Variants in CNST observed in about 807,000 individuals in gnomAD.
CNST encodes consortin.
CNST carries 39 observed loss-of-function variants against 72.4 expected under a neutral mutation model. The observed-to-expected ratio is 0.54, with a 90% confidence interval of 0.42 to 0.70. The LOEUF is 0.70. Among genes scored for constraint, CNST ranks in the 30% least tolerant of loss-of-function variants. The probability of loss-of-function intolerance (pLI) is 0.00; values close to 1 mark genes in which losing one functional copy is unlikely to be tolerated. For synonymous variants in CNST, 332 were observed against 320.1 expected, an observed-to-expected ratio of 1.04 and a Z score of -0.40; for missense variants, 871 against 868.5, an observed-to-expected ratio of 1.00 and a Z score of -0.04.
intron 9 of CNST, among the ~76,000 whole-genome samples, chr1:246,654,048 C>A (rs1666638444): frequency 6.6e-6 from 1 of 152,192 alleles, no homozygotes; most frequent in South Asian, 2.1e-4. Context: ...GTTTAAACTC[C>A]TGCTATGAAA....
At chr1:246,631,553 C>A (rs1192753683) in intron 3 of CNST, among the ~76,000 whole-genome samples, 1 of 151,956 alleles carries the variant, frequency 6.6e-6, no homozygotes, top group Non-Finnish European at 1.5e-5. Flanking sequence ...ATCATTTTTT[C>A]ATTTGTGTTC....
intron 10 of CNST, among the ~76,000 whole-genome samples, chr1:246,663,279 C>T (rs1164375711): frequency 6.6e-6 from 1 of 151,224 alleles, no homozygotes; most frequent in Non-Finnish European, 1.5e-5. Flanking sequence ...ATCGCTTGAG[C>T]CCAGGAGGTT....
chr1:246,622,098 G>A (rs562619778), intron 3 of CNST, among the ~76,000 whole-genome samples: 8 of 152,184 alleles, frequency 5.3e-5, no homozygotes, highest in Admixed American at 2.6e-4. Context: ...GGTGACCCTC[G>A]TGGGATATTT....
At chr1:246,572,420 C>A (rs1290275740) in intron 1 of CNST, among the ~76,000 whole-genome samples, 1 of 152,106 alleles carries the variant, frequency 6.6e-6, no homozygotes, top group African/African-American at 2.4e-5. Context: ...TCTTCTGCAG[C>A]TTTTATTCCC....
At chr1:246,650,209 A>G (rs1038420463) in intron 9 of CNST, among the ~76,000 whole-genome samples, 2 of 152,284 alleles carry the variant, frequency 1.3e-5, no homozygotes, top group East Asian at 1.9e-4. Context: ...TCAAAACACA[A>G]TGTCACTTCT....
At chr1:246,626,733 A>G (rs1664463625) in intron 3 of CNST, among the ~76,000 whole-genome samples, 1 of 152,110 alleles carries the variant, frequency 6.6e-6, no homozygotes, top group South Asian at 2.1e-4. Context: ...CTGGGATTAC[A>G]GGTGTGAGCC....
chr1:246,604,056 A>T (rs559536091), intron 2 of CNST, among the ~76,000 whole-genome samples: 2 of 152,094 alleles, frequency 1.3e-5, no homozygotes, highest in Non-Finnish European at 2.9e-5. Flanking sequence ...ACACGGTGAA[A>T]CCCCATCTCT....
chr1:246,594,348 G>A (rs1280795450), intron 2 of CNST, among the ~76,000 whole-genome samples: 1 of 152,144 alleles, frequency 6.6e-6, no homozygotes, highest in Non-Finnish European at 1.5e-5. Context: ...TTATAATACT[G>A]TGAGAAGATA....
In CNST at chr1:246,642,005, C is replaced by T; in HGVS notation, c.905C>T (p.Pro302Leu). ...CSTQLLVSEDPKEGGATTKES... is the reference protein window; with the variant it reads ...CSTQLLVSEDLKEGGATTKES... ...ACGCAGTTACTAGTGTCTGAAGATC[C>T]AAAGGAAGGAGGAGCTACCACCAAA... Residue 302 changes from proline to leucine, a missense_variant, in exon 8 of 11, where the codon CCA (proline) becomes CTA (leucine). Pro to Leu is a moderately conservative substitution (Grantham distance 98). Transcript: ENST00000366513. The T allele has an allele frequency of 2.5e-6, 4 of 1,611,614 alleles. No homozygotes were observed. The highest frequency in any genetic ancestry group is 3.4e-6 in the Non-Finnish European group (4 of 1,178,592).
chr1:246,635,870 C>T (rs1449152246), intron 6 of CNST, among the ~76,000 whole-genome samples: 2 of 152,164 alleles, frequency 1.3e-5, no homozygotes, highest in African/African-American at 4.8e-5. Flanking sequence ...CCTTTAAGGA[C>T]CGTTTTTCTC....
intron 3 of CNST, among the ~76,000 whole-genome samples, chr1:246,626,292 C>A (rs1035578393): frequency 6.6e-6 from 1 of 151,840 alleles, no homozygotes; most frequent in Non-Finnish European, 1.5e-5. Context: ...CTCAAGTGAT[C>A]TTCCCACCTT....
rs560736041 is a variant in CNST, at chr1:246,574,581, A to T, written c.-52+7918A>T. Among the ~76,000 whole-genome samples the T allele has an allele frequency of 4.5e-3, 656 of 147,294 alleles. 3 individuals are homozygous for T. The highest frequency in any genetic ancestry group is 0.016 in the African/African-American group (630 of 40,434). On this transcript the variant is annotated intron_variant, in intron 1 of 10. Transcript: ENST00000366513. ...GCTGGGACTGCAGGTATGCAGTCTAATTTTTTTTTTTTAACTTTTTGCAGA... is the reference window on the plus strand; with the variant it reads ...GCTGGGACTGCAGGTATGCAGTCTATTTTTTTTTTTTTAACTTTTTGCAGA...
intron 6 of CNST, among the ~76,000 whole-genome samples, chr1:246,636,182 G>T (rs1426693293): frequency 1.3e-5 from 2 of 152,134 alleles, no homozygotes; most frequent in Non-Finnish European, 2.9e-5. Flanking sequence ...GCTCCAGGGG[G>T]TAACCTTGGC....
chr1:246,622,928 A>G (rs1216956641), intron 3 of CNST, among the ~76,000 whole-genome samples: 1 of 152,108 alleles, frequency 6.6e-6, no homozygotes, highest in Non-Finnish European at 1.5e-5. Flanking sequence ...GATTCAAGCC[A>G]TTCTCCTGCC....
intron 1 of CNST, among the ~76,000 whole-genome samples, chr1:246,582,869 A>G (rs7416244): frequency 0.29 from 43,477 of 152,078 alleles, 6,387 homozygotes; most frequent in Middle Eastern, 0.33. Context: ...GTTATCTGCT[A>G]TATCAACATT....
At chr1:246,645,424 C>CTTTTTTTTTTTTTTTTTTTT (rs1553384186) in intron 8 of CNST, among the ~76,000 whole-genome samples, 1 of 106,104 alleles carries the variant, frequency 9.4e-6, no homozygotes, top group African/African-American at 3.3e-5. Context: ...AAGGTTAAAA[C>CTTTTTTTTTTTTTTTTTTTT]TTTTTTTTTT....
chr1:246,611,285 A>G (rs1489070893), intron 2 of CNST, among the ~76,000 whole-genome samples: 1 of 152,124 alleles, frequency 6.6e-6, no homozygotes, highest in Non-Finnish European at 1.5e-5. Flanking sequence ...TTGTTCAGGC[A>G]TACCTTTGTT....
intron 9 of CNST, among the ~76,000 whole-genome samples, chr1:246,650,182 A>G (rs1189701490): frequency 3.3e-5 from 5 of 152,180 alleles, no homozygotes; most frequent in Admixed American, 2.0e-4. Context: ...ATTAAATGGA[A>G]TATTCCCTCC....
At chr1:246,572,774 G>C (rs1246716739) in intron 1 of CNST, among the ~76,000 whole-genome samples, 1 of 152,094 alleles carries the variant, frequency 6.6e-6, no homozygotes, top group Non-Finnish European at 1.5e-5. Flanking sequence ...TGTTGCCTAG[G>C]GTGGTCTTGA....
Sources: gnomAD v4.1 joint callset for allele counts (sites outside exome capture counted in the v4.1 genomes callset) on GRCh38, gnomAD v4.1.1 for gene constraint, MANE v1.5 for transcripts, NCBI Gene and HGNC (gene_info 2026-07-23, HGNC 2026-07-21) for gene names.